The following TRPM3 variants were observed in gnomAD, a reference collection of about 807,000 sequenced individuals.
The protein encoded by TRPM3 is transient receptor potential cation channel subfamily M member 3.
In TRPM3, 77 loss-of-function variants were observed where a neutral mutation model predicts 181.2. The ratio of observed to expected loss-of-function variants is 0.42; its 90% CI spans 0.35 to 0.51. The LOEUF is 0.51. Ranked by LOEUF, TRPM3 falls within the 20% of genes least tolerant of loss-of-function variation. TRPM3 has a pLI of 0.01. For synonymous variants in TRPM3, 745 were observed against 796.4 expected (o/e 0.94, Z 1.09); for missense variants, 1,759 against 2,196.7 (o/e 0.80, Z 3.98).
intron 1 of TRPM3, among the ~76,000 whole-genome samples, chr9:71,286,758 C>T (rs77638736): frequency 6.6e-6 from 1 of 151,580 alleles, no homozygotes; most frequent in South Asian, 2.1e-4. Flanking sequence ...TTGTACCAAT[C>T]TACCCCTTGT....
At chr9:70,837,066 G>T (rs2094369870) in intron 5 of TRPM3, among the ~76,000 whole-genome samples, 1 of 152,120 alleles carries the variant, frequency 6.6e-6, no homozygotes, top group Non-Finnish European at 1.5e-5. Flanking sequence ...AACAGATTTG[G>T]GCGGGTGTCC....
At chr9:70,788,006 C>CT (rs557213258) in intron 6 of TRPM3, among the ~76,000 whole-genome samples, 22,624 of 129,204 alleles carry the variant, frequency 0.18, 2,010 homozygotes, top group South Asian at 0.26. Context: ...ACTATCCTGA[C>CT]TTTTTTTTTT....
intron 5 of TRPM3, among the ~76,000 whole-genome samples, chr9:70,832,502 G>A (rs1251136868): frequency 6.6e-6 from 1 of 152,048 alleles, no homozygotes; most frequent in African/African-American, 2.4e-5. Flanking sequence ...ATAAAATTCT[G>A]GTTCTGTATA....
chr9:71,366,935 A>G (rs2092355106), intron 1 of TRPM3, among the ~76,000 whole-genome samples: 1 of 152,174 alleles, frequency 6.6e-6, no homozygotes, highest in Non-Finnish European at 1.5e-5. Flanking sequence ...ATTTTTATAG[A>G]GCAAATGAGT....
chr9:71,425,465 G>A (rs2093847077), intron 1 of TRPM3, among the ~76,000 whole-genome samples: 1 of 152,034 alleles, frequency 6.6e-6, no homozygotes, highest in Admixed American at 6.6e-5. Context: ...CTTGATTCAT[G>A]TGCCTCTCTT....
At chr9:71,089,753 G>A (rs886265795) in intron 1 of TRPM3, among the ~76,000 whole-genome samples, 7 of 152,068 alleles carry the variant, frequency 4.6e-5, no homozygotes, top group East Asian at 1.9e-4. Context: ...TCAGTGTCTC[G>A]TGAGGAAGGC....
chr9:71,067,943 G>T (rs1309940559), intron 1 of TRPM3, among the ~76,000 whole-genome samples: 1 of 152,118 alleles, frequency 6.6e-6, no homozygotes, highest in African/African-American at 2.4e-5. Context: ...ATTCTTAATT[G>T]TTTTGAGGAG....
intron 8 of TRPM3, among the ~76,000 whole-genome samples, chr9:70,682,312 CTA>C (rs1482290996): frequency 6.6e-6 from 1 of 151,984 alleles, no homozygotes; most frequent in Non-Finnish European, 1.5e-5. Flanking sequence ...ATATATATGA[CTA>C]TGTAATCAAA....
At chr9:70,854,134 T>A (rs1300209985) in intron 3 of TRPM3, among the ~76,000 whole-genome samples, 1 of 152,234 alleles carries the variant, frequency 6.6e-6, no homozygotes, top group African/African-American at 2.4e-5. Context: ...AGGAGCTATT[T>A]TGGTTGTCAA....
intron 6 of TRPM3, among the ~76,000 whole-genome samples, chr9:70,815,369 C>G (rs1458014511): frequency 6.6e-6 from 1 of 151,832 alleles, no homozygotes; most frequent in African/African-American, 2.4e-5. Flanking sequence ...AAAATGAATT[C>G]CTAGAAGTAA....
intron 1 of TRPM3, among the ~76,000 whole-genome samples, chr9:70,972,170 C>A (rs2097253981): frequency 6.6e-6 from 1 of 152,116 alleles, no homozygotes. Flanking sequence ...ATAAAAAATG[C>A]AAACTATCCA....
intron 1 of TRPM3, among the ~76,000 whole-genome samples, chr9:71,264,086 T>A (rs1296467179): frequency 6.6e-6 from 1 of 152,128 alleles, no homozygotes; most frequent in Non-Finnish European, 1.5e-5. Flanking sequence ...GAGCCACCAT[T>A]CAGGCCACTC....
intron 12 of TRPM3, among the ~76,000 whole-genome samples, chr9:70,630,963 T>A (rs1293165699): frequency 3.3e-5 from 5 of 152,234 alleles, no homozygotes; most frequent in Non-Finnish European, 7.3e-5. Flanking sequence ...CAGCTCACCA[T>A]ATCACTATCA....
Position 70,698,471 on chromosome 9 carries a change from G to A in TRPM3, c.1273-16893C>T, listed in dbSNP as rs142010031. 4.6e-3 allele frequency among the ~76,000 whole-genome samples: 699 copies of A among 152,240 alleles called. 6 individuals are homozygous for A. The highest frequency in any genetic ancestry group is 0.014 in the African/African-American group (584 of 41,554). On this transcript the variant is annotated intron_variant, in intron 8 of 25. Coordinates refer to ENST00000677713, the MANE Select transcript of TRPM3 (RefSeq NM_001366145.2). ...TCTGTTGAAAGTTAAGTGAGATAAT[G>A]TACACTAAGTACTTAGCATATAGCC... is the stretch of plus-strand genomic sequence containing the variant.
chr9:70,976,220 G>A (rs571359558), intron 1 of TRPM3, among the ~76,000 whole-genome samples: 2 of 152,270 alleles, frequency 1.3e-5, no homozygotes, highest in African/African-American at 2.4e-5. Flanking sequence ...GGGTCAAGAA[G>A]GAGCAAGGTG....
At chr9:70,872,059 C>T (rs943085967) in intron 1 of TRPM3, among the ~76,000 whole-genome samples, 4 of 151,884 alleles carry the variant, frequency 2.6e-5, no homozygotes, top group Admixed American at 6.6e-5. Context: ...ATTTGACAAC[C>T]GCATCAACTA....
chr9:71,162,812 C>T (rs1016560021), intron 1 of TRPM3, among the ~76,000 whole-genome samples: 5 of 151,986 alleles, frequency 3.3e-5, no homozygotes, highest in Non-Finnish European at 7.4e-5. Flanking sequence ...ACAGATTATT[C>T]CAGAAAAGTA....
intron 6 of TRPM3, among the ~76,000 whole-genome samples, chr9:70,789,586 T>C (rs2130964991): frequency 6.6e-6 from 1 of 152,290 alleles, no homozygotes; most frequent in South Asian, 2.1e-4. Flanking sequence ...CACCAAAGAC[T>C]TGTCATAGCT....
intron 1 of TRPM3, among the ~76,000 whole-genome samples, chr9:71,041,382 C>A (rs2058798909): frequency 6.6e-6 from 1 of 152,098 alleles, no homozygotes; most frequent in African/African-American, 2.4e-5. Context: ...AAGTATTTTT[C>A]CTTCAAACCA....
Sources: allele counts gnomAD v4.1 joint callset (sites outside exome capture counted in the v4.1 genomes callset), GRCh38; gene constraint gnomAD v4.1.1; transcripts MANE v1.5; gene names NCBI Gene and HGNC (gene_info 2026-07-23, HGNC 2026-07-21).